The following GRK5 variants were observed in gnomAD, a reference collection of about 807,000 sequenced individuals.
The protein encoded by GRK5 is g protein-coupled receptor kinase GRK5.
A neutral mutation model predicts 78.4 loss-of-function variants in GRK5; 40 were observed. The observed-to-expected ratio is 0.51, with a 90% CI of 0.40 to 0.66. The LOEUF (loss-of-function observed/expected upper bound fraction) is 0.66. Among genes scored for constraint, GRK5 ranks in the 30% least tolerant of loss-of-function variants. The probability of loss-of-function intolerance (pLI) is 0.00; values close to 1 mark genes in which losing one functional copy is unlikely to be tolerated. For missense variants in GRK5, 598 were observed against 759.9 expected, an observed-to-expected ratio of 0.79 and a Z score of 2.50; for synonymous variants, 289 against 296.8, an observed-to-expected ratio of 0.97 and a Z score of 0.27.
chr10:119,259,792 TAATA>T (rs1170080918), intron 1 of GRK5, among the ~76,000 whole-genome samples: 1 of 152,258 alleles, frequency 6.6e-6, no homozygotes, highest in East Asian at 1.9e-4. Context: ...CATTTAATTT[TAATA>T]AATTAAGATT....
At chr10:119,421,682 C>A (rs1156233300) in intron 4 of GRK5, among the ~76,000 whole-genome samples, 1 of 152,350 alleles carries the variant, frequency 6.6e-6, no homozygotes, top group Middle Eastern at 3.4e-3. Flanking sequence ...ATGGCTTGGC[C>A]TGCACTTGGG....
At chr10:119,265,909 G>A (rs761894310) in intron 1 of GRK5, among the ~76,000 whole-genome samples, 14 of 152,162 alleles carry the variant, frequency 9.2e-5, no homozygotes, top group Admixed American at 5.9e-4. Context: ...GCTGAAGTCC[G>A]GGCCCTGGGA....
chr10:119,279,680 A>AACGCTGCAGGGCAAGAAGAGCC (rs1173304098), intron 1 of GRK5, among the ~76,000 whole-genome samples: 7 of 152,348 alleles, frequency 4.6e-5, no homozygotes, highest in East Asian at 1.9e-4. Flanking sequence ...GGCCAGCTCC[A>AACGCTGCAGGGCAAGAAGAGCC]ACGCTGCAGG....
intron 14 of GRK5, 133 bp from the exon 15 acceptor site, chr10:119,453,012 C>T (rs1226645452): frequency 1.2e-6 from 1 of 861,200 alleles, no homozygotes; most frequent in Non-Finnish European, 1.9e-6. Flanking sequence ...GAGCCTCGCC[C>T]AGCCCCTGAG....
chr10:119,298,501 T>C (rs1298161883), intron 1 of GRK5, among the ~76,000 whole-genome samples: 1 of 152,134 alleles, frequency 6.6e-6, no homozygotes, highest in East Asian at 1.9e-4. Flanking sequence ...TCTGCCAGGG[T>C]GTTCTCGGCA....
chr10:119,425,298 A>ACACACAC (rs1852657743), intron 6 of GRK5, among the ~76,000 whole-genome samples: 3 of 88,154 alleles, frequency 3.4e-5, no homozygotes, highest in African/African-American at 1.1e-4. Flanking sequence ...CACACACACA[A>ACACACAC]ACACACATTC....
chr10:119,378,192 C>T lies in GRK5; in HGVS notation c.149-2623C>T, dbSNP rs1312428983. ...CCAAGCTCCCTGCGGGCTGGGACCA[C>T]ATCCCTAGGTACCCCTCCCCGTCAG... On this transcript the variant is annotated intron_variant, in intron 2 of 15. Transcript: ENST00000392870. The surrounding 1 kb of genome is among the most constrained non-coding windows in gnomAD (Gnocchi z 4.5). 2 of 152,418 alleles carry T rather than the reference C, an allele frequency of 1.3e-5. No homozygotes were observed. Among genetic ancestry groups the T allele is most frequent in the Non-Finnish European group, 2.9e-5 (2 of 68,120 alleles). 9.4% of individuals were successfully genotyped at this position (152,418 alleles called of 1,614,324 possible).
chr10:119,403,682 G>A (rs1227609093), intron 4 of GRK5, among the ~76,000 whole-genome samples: 1 of 152,192 alleles, frequency 6.6e-6, no homozygotes, highest in Admixed American at 6.5e-5. Context: ...TGCCCAGGCT[G>A]GAGTACAATG....
At chr10:119,450,673 G>A (rs1413073059) in intron 13 of GRK5, among the ~76,000 whole-genome samples, 1 of 152,144 alleles carries the variant, frequency 6.6e-6, no homozygotes. Flanking sequence ...GACAGGGACA[G>A]TTGGTCACCC....
intron 1 of GRK5, among the ~76,000 whole-genome samples, chr10:119,313,043 G>A (rs1256562109): frequency 1.4e-4 from 2 of 14,518 alleles, no homozygotes; most frequent in African/African-American, 5.1e-4. Flanking sequence ...TGGTGATGGT[G>A]GTGGTGGTAA....
At position 119,458,220 on chromosome 10, in the gene GRK5, C is replaced by T. The variant is rs943791016; in HGVS notation, c.*3153C>T. On this transcript the variant is annotated 3_prime_UTR_variant, in exon 16 of 16. Coordinates refer to ENST00000392870, the MANE Select transcript of GRK5 (RefSeq NM_005308.3). Reference sequence around the variant, plus strand: ...GGTGAGACATGGGATCTCTCAGAAGCGTCTCTGCATCTGCATTTCAGGAGA... The same window carrying T: ...GGTGAGACATGGGATCTCTCAGAAGTGTCTCTGCATCTGCATTTCAGGAGA... 4 of 152,212 alleles carry T rather than the reference C, an allele frequency of 2.6e-5. No individual in the cohort carries two copies. Among genetic ancestry groups the T allele is most frequent in the African/African-American group, 7.2e-5 (3 of 41,450 alleles). 9.4% of individuals were successfully genotyped at this position (152,212 alleles called of 1,614,324 possible). A position where few individuals can be genotyped will look rare whatever the true frequency, so the allele number is the denominator to read the frequency against.
intron 1 of GRK5, among the ~76,000 whole-genome samples, chr10:119,270,333 G>A (rs1849565099): frequency 6.6e-6 from 1 of 152,206 alleles, no homozygotes; most frequent in Non-Finnish European, 1.5e-5. Context: ...GAAATAAAAG[G>A]ATGCTTGGGT....
At chr10:119,410,766 T>C (rs1239709707) in intron 4 of GRK5, among the ~76,000 whole-genome samples, 1 of 151,772 alleles carries the variant, frequency 6.6e-6, no homozygotes, top group Non-Finnish European at 1.5e-5. Context: ...AGCGCACAAA[T>C]GGCATGAGCT....
chr10:119,433,696 C>T (rs893554180), intron 8 of GRK5, among the ~76,000 whole-genome samples: 3 of 152,186 alleles, frequency 2.0e-5, no homozygotes, highest in Admixed American at 6.5e-5. Context: ...CCACGATGGC[C>T]GGGTTTCATG....
chr10:119,314,403 T>A (rs1236792297), intron 1 of GRK5, among the ~76,000 whole-genome samples: 1 of 152,162 alleles, frequency 6.6e-6, no homozygotes, highest in Non-Finnish European at 1.5e-5. Context: ...GTTCTCCTCA[T>A]GTGAAAAGAG....
In GRK5 at chr10:119,207,832, C is replaced by G. The variant is rs2133690004; in HGVS notation, c.-86C>G. Reference sequence around the variant, plus strand: ...CCCCCGGCTCCGGCAGCAGCGGCGGCAGCCCGAGCAGCGGCAGCAGCAGCG... The same window carrying G: ...CCCCCGGCTCCGGCAGCAGCGGCGGGAGCCCGAGCAGCGGCAGCAGCAGCG... On this transcript the variant is annotated 5_prime_UTR_variant, in exon 1 of 16. Transcript: ENST00000392870. 1 of 1,317,180 alleles carries G rather than the reference C, an allele frequency of 7.6e-7. No individual in the cohort carries two copies. The highest frequency in any genetic ancestry group is 1.0e-6 in the Non-Finnish European group (1 of 961,820). The allele number at this position is 1,317,180 out of a possible 1,614,324, so 81.6% of individuals were successfully genotyped here.
At chr10:119,322,755 C>A (rs1850607377) in intron 1 of GRK5, among the ~76,000 whole-genome samples, 1 of 152,108 alleles carries the variant, frequency 6.6e-6, no homozygotes, top group African/African-American at 2.4e-5. Flanking sequence ...ATCAGTTCCC[C>A]CAAAACTTAA....
At chr10:119,291,928 T>TTTTCCCCC (rs748253606) in intron 1 of GRK5, among the ~76,000 whole-genome samples, 1 of 129,952 alleles carries the variant, frequency 7.7e-6, no homozygotes, top group Admixed American at 7.8e-5. Context: ...TTCTTCCTCC[T>TTTTCCCCC]TCTTTTCCTC....
At chr10:119,377,520 G>T (rs1175593621) in intron 2 of GRK5, among the ~76,000 whole-genome samples, 2 of 152,176 alleles carry the variant, frequency 1.3e-5, no homozygotes, top group African/African-American at 2.4e-5. Context: ...AATCTAAAAA[G>T]ATCATTACTG....
Sources: allele counts gnomAD v4.1 joint callset (sites outside exome capture counted in the v4.1 genomes callset), GRCh38; gene constraint gnomAD v4.1.1; non-coding constraint Gnocchi (gnomAD v3.1); transcripts MANE v1.5; gene names NCBI Gene and HGNC (gene_info 2026-07-23, HGNC 2026-07-21).